TRAK1: variants seen among roughly 807,000 people sequenced by gnomAD.
TRAK1 encodes the protein trafficking kinesin-binding protein 1.
Under a neutral mutation model 92.1 loss-of-function variants are expected in TRAK1, and 33 were observed. The ratio of observed to expected loss-of-function variants is 0.36; its 90% CI spans 0.27 to 0.48. The LOEUF (loss-of-function observed/expected upper bound fraction) is 0.48, where lower values mean the gene tolerates loss of function less well. Ranked by LOEUF, TRAK1 falls within the 20% of genes least tolerant of loss-of-function variation. The probability of loss-of-function intolerance (pLI) is 0.99; values close to 1 mark genes in which losing one functional copy is unlikely to be tolerated. For missense variants in TRAK1, 1,123 were observed against 1,257.9 expected, an observed-to-expected ratio of 0.89 and a Z score of 1.62; for synonymous variants, 521 against 517.3, an observed-to-expected ratio of 1.01 and a Z score of -0.10.
intron 1 of TRAK1, among the ~76,000 whole-genome samples, chr3:42,116,261 AAC>A (rs1228942316): frequency 6.6e-6 from 1 of 152,210 alleles, no homozygotes; most frequent in African/African-American, 2.4e-5. Context: ...CCTCAGCTTG[AAC>A]ACAGTGTCCT....
intron 1 of TRAK1, among the ~76,000 whole-genome samples, chr3:42,043,975 A>T (rs1305932107): frequency 6.6e-6 from 1 of 152,188 alleles, no homozygotes. Flanking sequence ...TATTTTGAAA[A>T]TGGGAACTCA....
intron 7 of TRAK1, 25 bp downstream of exon 7, chr3:42,191,661 T>C (rs903814166): frequency 4.9e-5 from 77 of 1,577,234 alleles, no homozygotes; most frequent in Middle Eastern, 1.7e-4. Context: ...TGCTGTCTTC[T>C]TACTTCCTTG....
chr3:42,173,117 G>C (rs1331264663), intron 2 of TRAK1, among the ~76,000 whole-genome samples: 2 of 152,194 alleles, frequency 1.3e-5, no homozygotes, highest in Non-Finnish European at 2.9e-5. Flanking sequence ...TGGTACTCCA[G>C]CCTGGGCGAC....
At chr3:42,019,894 A>G (rs570002617) in intron 1 of TRAK1, among the ~76,000 whole-genome samples, 1 of 152,202 alleles carries the variant, frequency 6.6e-6, no homozygotes, top group South Asian at 2.1e-4. Context: ...CCTTGAATTT[A>G]TGTTTGTCTG....
chr3:42,213,642 C>T (rs1709339970), intron 14 of TRAK1, among the ~76,000 whole-genome samples: 1 of 152,236 alleles, frequency 6.6e-6, no homozygotes, highest in Non-Finnish European at 1.5e-5. Flanking sequence ...AAAGCTCAGC[C>T]AGCTTGTATC....
chr3:42,149,693 C>T (rs897138483), intron 2 of TRAK1: 14 of 1,482,868 alleles, frequency 9.4e-6, no homozygotes, highest in East Asian at 7.4e-5. Flanking sequence ...GGGAGACAGG[C>T]GGCTGGCGGG....
chr3:42,043,740 A>C (rs1228834844), intron 1 of TRAK1, among the ~76,000 whole-genome samples: 1 of 151,800 alleles, frequency 6.6e-6, no homozygotes. Flanking sequence ...CGGTTCTCCC[A>C]GTGGCCTGTT....
chr3:42,129,484 C>T (rs1442026122), intron 2 of TRAK1, among the ~76,000 whole-genome samples: 3 of 152,114 alleles, frequency 2.0e-5, no homozygotes, highest in East Asian at 1.9e-4. Flanking sequence ...CACTTGACTT[C>T]CTAAGAAGAG....
chr3:42,211,803 TTC>T, intron 14 of TRAK1: 1 of 985,440 alleles, frequency 1.0e-6, no homozygotes, highest in Non-Finnish European at 1.2e-6. Context: ...TTCTTGCTTG[TTC>T]TCTCTGTACT....
intron 14 of TRAK1, among the ~76,000 whole-genome samples, chr3:42,215,807 G>GT (rs1219295172): frequency 2.6e-5 from 4 of 152,194 alleles, no homozygotes; most frequent in Admixed American, 6.5e-5. Flanking sequence ...CATGGCCAGT[G>GT]TTTCTCCGTT....
At chr3:42,174,990 T>C (rs1182728684) in intron 2 of TRAK1, among the ~76,000 whole-genome samples, 4 of 152,046 alleles carry the variant, frequency 2.6e-5, no homozygotes, top group Non-Finnish European at 5.9e-5. Flanking sequence ...CTAAATAATA[T>C]AGTGTTAGAG....
At chr3:42,212,239 G>A in intron 14 of TRAK1, 4 of 985,366 alleles carry the variant, frequency 4.1e-6, no homozygotes, top group Non-Finnish European at 4.8e-6. Context: ...TTGTATCCAT[G>A]GTGGTCTGGT....
At chr3:42,147,559 T>C (rs1481790653) in intron 2 of TRAK1, among the ~76,000 whole-genome samples, 2 of 152,228 alleles carry the variant, frequency 1.3e-5, no homozygotes, top group Non-Finnish European at 2.9e-5. Flanking sequence ...GATGGTTTCT[T>C]TGTCTGCTTG....
intron 2 of TRAK1, among the ~76,000 whole-genome samples, chr3:42,146,795 A>G (rs532781715): frequency 2.1e-4 from 32 of 152,162 alleles, no homozygotes; most frequent in Non-Finnish European, 3.8e-4. Context: ...GCCTCAAACT[A>G]TCCTTCCTTC....
intron 13 of TRAK1, among the ~76,000 whole-genome samples, chr3:42,204,610 G>C (rs1049459920): frequency 1.3e-5 from 2 of 152,002 alleles, no homozygotes; most frequent in Non-Finnish European, 1.5e-5. Flanking sequence ...TTTGAAACAG[G>C]GTCTCGCTGT....
At chr3:42,176,971 C>A in intron 3 of TRAK1, 81 bp downstream of exon 3, 2 of 1,289,690 alleles carry the variant, frequency 1.6e-6, no homozygotes, top group Non-Finnish European at 2.2e-6. Flanking sequence ...TGCCTTATCA[C>A]CTGTTTCAGT....
intron 1 of TRAK1, among the ~76,000 whole-genome samples, chr3:42,123,289 A>G (rs1209100148): frequency 1.3e-5 from 2 of 152,174 alleles, no homozygotes; most frequent in Admixed American, 1.3e-4. Context: ...TCCATGTTCT[A>G]CCTGAGTGTG....
At chr3:42,077,914 T>C (rs1352580607) in intron 1 of TRAK1, among the ~76,000 whole-genome samples, 1 of 152,198 alleles carries the variant, frequency 6.6e-6, no homozygotes, top group East Asian at 1.9e-4. Flanking sequence ...CGTCTCAGAC[T>C]TTTATCCAGT....
intron 1 of TRAK1, among the ~76,000 whole-genome samples, chr3:42,100,449 T>C (rs1370417420): frequency 6.6e-6 from 1 of 152,254 alleles, no homozygotes; most frequent in Non-Finnish European, 1.5e-5. Context: ...ATCTCATCTT[T>C]TCTCCTGCCT....
Sources: allele counts gnomAD v4.1 joint callset (sites outside exome capture counted in the v4.1 genomes callset), GRCh38; gene constraint gnomAD v4.1.1; transcripts MANE v1.5; gene names NCBI Gene and HGNC (gene_info 2026-07-23, HGNC 2026-07-21).